DLGAP1: variants seen among roughly 807,000 people sequenced by gnomAD.
DLGAP1 encodes disks large-associated protein 1.
A neutral mutation model predicts 90.8 loss-of-function variants in DLGAP1; 11 were observed. That is an observed-to-expected ratio of 0.12 (90% CI 0.08 to 0.20). The LOEUF is 0.20. Among genes scored for constraint, DLGAP1 ranks in the 10% least tolerant of loss-of-function variants. The pLI, the probability that DLGAP1 is intolerant of heterozygous loss-of-function variation, is 1.00. For synonymous variants in DLGAP1, 558 were observed against 540.7 expected, an observed-to-expected ratio of 1.03 and a Z score of -0.44; for missense variants, 1,050 against 1,333.8, an observed-to-expected ratio of 0.79 and a Z score of 3.31.
chr18:3,735,777 C>G (rs1489308576), intron 6 of DLGAP1, among the ~76,000 whole-genome samples: 1 of 152,128 alleles, frequency 6.6e-6, no homozygotes, highest in Non-Finnish European at 1.5e-5. Flanking sequence ...GTTATTCTTT[C>G]TACTGTTAAT....
chr18:3,688,398 A>C (rs2060775322), intron 7 of DLGAP1, among the ~76,000 whole-genome samples: 2 of 152,072 alleles, frequency 1.3e-5, no homozygotes, highest in South Asian at 2.1e-4. Flanking sequence ...AGTTACCTTC[A>C]AAGATGGAAG....
Position 3,641,578 on chromosome 18 carries a change from T to C in DLGAP1, c.1592-59330A>G, listed in dbSNP as rs201587144. Among the ~76,000 whole-genome samples, 59 of 126,564 alleles carry C rather than the reference T, an allele frequency of 4.7e-4. 1 individual carries two copies. Among genetic ancestry groups the C allele is most frequent in the East Asian group, 1.8e-3 (6 of 3,420 alleles). The allele number at this position is 126,564 out of a possible 152,430, so 83.0% of individuals were successfully genotyped here. A position where few individuals can be genotyped will look rare whatever the true frequency, so the allele number is the denominator to read the frequency against. ...AAAAGAACATAAGACAATGTACACA[T>C]ATATATATACACACACACACACACA... On this transcript the variant is annotated intron_variant, in intron 7 of 12. Coordinates refer to ENST00000315677, the MANE Select transcript of DLGAP1 (RefSeq NM_004746.4).
intron 1 of DLGAP1, among the ~76,000 whole-genome samples, chr18:4,209,358 C>T (rs907133033): frequency 3.3e-5 from 5 of 152,190 alleles, no homozygotes; most frequent in African/African-American, 1.2e-4. Flanking sequence ...ACACCATTTT[C>T]ACTTAATGGA....
In DLGAP1 at chr18:3,729,064, GCA is replaced by G; in HGVS notation, c.1591+69_1591+70del. The G allele has an allele frequency of 6.5e-7, 1 of 1,527,136 alleles. No homozygotes were observed. Among genetic ancestry groups the G allele is most frequent in the Non-Finnish European group, 8.8e-7 (1 of 1,137,864 alleles). The allele number at this position is 1,527,136 out of a possible 1,614,324, so 94.6% of individuals were successfully genotyped here. A position where few individuals can be genotyped will look rare whatever the true frequency, so the allele number is the denominator to read the frequency against. Reference sequence around the variant, plus strand: ...GCAACTATGTGTGTTGACAGCAAGGGCACAGTCTTTGGGGACAGTCGTGCCAT... The same window carrying G: ...GCAACTATGTGTGTTGACAGCAAGGGCAGTCTTTGGGGACAGTCGTGCCAT... On this transcript the variant is annotated intron_variant, in intron 7 of 12. Coordinates refer to ENST00000315677, the MANE Select transcript of DLGAP1 (RefSeq NM_004746.4). This position sits in a 1 kb window ranked among gnomAD's most constrained non-coding sequence, Gnocchi z 6.2.
chr18:3,582,195 T>C lies in DLGAP1; in HGVS notation c.1645A>G (p.Thr549Ala). Residue 549 changes from threonine (T) to alanine (A), a missense_variant, in exon 8 of 13, where the codon ACT becomes GCT. Thr to Ala is a moderately conservative substitution (Grantham distance 58, BLOSUM62 0). Around this residue, in one of 2 missense-constraint regions of DLGAP1, gnomAD observed 565 missense variants for 879.7 expected, o/e 0.64. Transcript: ENST00000315677. ...KKTPPPVPPR[T>A]TTKPFISITA... Reference sequence around the variant, plus strand: ...ATAGAAATGAAAGGTTTCGTGGTAGTTCTGGGTGGGACTGGAGGTGGTGTC... The same window carrying C: ...ATAGAAATGAAAGGTTTCGTGGTAGCTCTGGGTGGGACTGGAGGTGGTGTC... 6.2e-7 allele frequency: 1 copy of C among 1,614,082 alleles called. No homozygotes were observed. Among genetic ancestry groups the C allele is most frequent in the Non-Finnish European group, 8.5e-7 (1 of 1,180,002 alleles).
intron 1 of DLGAP1, among the ~76,000 whole-genome samples, chr18:4,206,530 C>A (rs1332838134): frequency 1.3e-5 from 2 of 152,104 alleles, no homozygotes; most frequent in Non-Finnish European, 2.9e-5. Flanking sequence ...ACTCCTCAGG[C>A]CAGGATAAAG....
At chr18:4,152,475 A>G (rs2076691131) in intron 1 of DLGAP1, among the ~76,000 whole-genome samples, 1 of 152,216 alleles carries the variant, frequency 6.6e-6, no homozygotes, top group African/African-American at 2.4e-5. Context: ...AGGCAGAATT[A>G]CGTCCCAGAT....
chr18:4,257,734 C>T (rs757166285), intron 1 of DLGAP1, among the ~76,000 whole-genome samples: 8 of 151,000 alleles, frequency 5.3e-5, no homozygotes, highest in African/African-American at 9.7e-5. Context: ...AAGCAATTCT[C>T]CTGCCTCAGC....
At chr18:4,370,776 T>C (rs370012523) in intron 1 of DLGAP1, among the ~76,000 whole-genome samples, 7 of 152,264 alleles carry the variant, frequency 4.6e-5, no homozygotes, top group African/African-American at 1.7e-4. Flanking sequence ...GGTTTTTTTT[T>C]TCAGAAATAA....
At chr18:3,970,833 C>T (rs1472617465) in intron 3 of DLGAP1, among the ~76,000 whole-genome samples, 1 of 152,082 alleles carries the variant, frequency 6.6e-6, no homozygotes, top group African/African-American at 2.4e-5. Context: ...ACTTTAATAT[C>T]AACTGGGATT....
intron 1 of DLGAP1, among the ~76,000 whole-genome samples, chr18:4,319,240 A>C (rs2080613210): frequency 6.6e-6 from 1 of 152,234 alleles, no homozygotes; most frequent in South Asian, 2.1e-4. Flanking sequence ...GTAACAGTTT[A>C]AAAATTTATA....
chr18:3,733,308 TG>T (rs1410282217), intron 6 of DLGAP1, among the ~76,000 whole-genome samples: 2 of 152,224 alleles, frequency 1.3e-5, no homozygotes, highest in Admixed American at 1.3e-4. Flanking sequence ...AGGTGGTCCA[TG>T]ACTTATGATT....
chr18:3,881,126 T>A (rs1217039102), intron 3 of DLGAP1, among the ~76,000 whole-genome samples: 1 of 123,556 alleles, frequency 8.1e-6, no homozygotes, highest in Non-Finnish European at 1.7e-5. Context: ...TTTTCTTTTC[T>A]TTTTCTTTTT....
intron 7 of DLGAP1, among the ~76,000 whole-genome samples, chr18:3,724,209 C>T (rs1303602729): frequency 6.6e-6 from 1 of 152,074 alleles, no homozygotes; most frequent in Non-Finnish European, 1.5e-5. Context: ...TGGCATGTGC[C>T]TGTGGTCCCA....
chr18:4,356,837 C>G (rs2144049773), intron 1 of DLGAP1, among the ~76,000 whole-genome samples: 1 of 152,224 alleles, frequency 6.6e-6, no homozygotes. Context: ...TTCCTATTAT[C>G]ACCTTTGTTT....
intron 1 of DLGAP1, among the ~76,000 whole-genome samples, chr18:4,329,996 G>T (rs1445937758): frequency 6.6e-6 from 1 of 151,724 alleles, no homozygotes; most frequent in Non-Finnish European, 1.5e-5. Flanking sequence ...GAAGCCACCT[G>T]GGTTTGAATT....
chr18:3,716,804 C>T (rs190076712), intron 7 of DLGAP1, among the ~76,000 whole-genome samples: 3 of 152,080 alleles, frequency 2.0e-5, no homozygotes, highest in Non-Finnish European at 2.9e-5. Context: ...TACCAAAGTC[C>T]TCTCCTTTCC....
chr18:3,545,417 G>A (rs931301462), intron 9 of DLGAP1, among the ~76,000 whole-genome samples: 4 of 151,810 alleles, frequency 2.6e-5, no homozygotes, highest in Non-Finnish European at 2.9e-5. Flanking sequence ...AATACAATAC[G>A]GCATACTTAA....
chr18:3,517,473 G>A lies in DLGAP1; in HGVS notation c.2480-8812C>T, dbSNP rs1371763136. The stretch of plus-strand genomic sequence containing the variant: ...AAACTCCATGAACCAACGATTGCTA[G>A]CTTCAAACTTTTCTTCTTCAGCTTC... On this transcript the variant is annotated intron_variant, in intron 10 of 12. Transcript: ENST00000315677. The surrounding 1 kb of genome is among the most constrained non-coding windows in gnomAD (Gnocchi z 4.1). Among the ~76,000 whole-genome samples the A allele has an allele frequency of 6.6e-6, 1 of 152,184 alleles. No individual in the cohort carries two copies. Among genetic ancestry groups the A allele is most frequent in the East Asian group, 1.9e-4 (1 of 5,192 alleles).
Sources: allele counts gnomAD v4.1 joint callset (sites outside exome capture counted in the v4.1 genomes callset), GRCh38; gene constraint gnomAD v4.1.1; regional missense constraint gnomAD v4.1.1; non-coding constraint Gnocchi (gnomAD v3.1); transcripts MANE v1.5; gene names NCBI Gene and HGNC (gene_info 2026-07-23, HGNC 2026-07-21).